Variants in APH1B observed in about 807,000 individuals in gnomAD.
APH1B encodes the protein aph-1B gamma-secretase subunit.
Under a neutral mutation model 28.2 loss-of-function variants are expected in APH1B, and 27 were observed. The observed-to-expected ratio is 0.96, with a 90% confidence interval of 0.70 to 1.32. APH1B has a LOEUF of 1.32. APH1B is among the 40% of genes most tolerant of loss of function. The probability of loss-of-function intolerance (pLI) is 0.00; values close to 1 mark genes in which losing one functional copy is unlikely to be tolerated. For missense variants in APH1B, 305 were observed against 313.6 expected (o/e 0.97, Z 0.21); for synonymous variants, 141 against 124.6 (o/e 1.13, Z -0.88).
At chr15:63,279,006 T>G (rs2038355868) in intron 1 of APH1B, among the ~76,000 whole-genome samples, 155 bp from the exon 2 acceptor site, 1 of 152,122 alleles carries the variant, frequency 6.6e-6, no homozygotes, top group Non-Finnish European at 1.5e-5. Context: ...TAAGAACAAC[T>G]GATCAGAGTA....
chr15:63,279,325 T>A lies in APH1B; in HGVS notation c.278T>A (p.Leu93His), dbSNP rs141207434. 2.5e-5 allele frequency: 40 copies of A among 1,589,190 alleles called. No homozygotes were observed. The highest frequency in any genetic ancestry group is 3.4e-5 in the Non-Finnish European group (40 of 1,163,224). ...ATGTTCCGATTTGCATATTATAAACTCTTAAAGTAAGTTAAATACCTGCCT... is the reference window on the plus strand; with the variant it reads ...ATGTTCCGATTTGCATATTATAAACACTTAAAGTAAGTTAAATACCTGCCT... ...QEMFRFAYYK[L>H]LKKASEGLKS... Residue 93 changes from leucine to histidine, a missense_variant, in exon 2 of 6, where the codon CTC becomes CAC. Physicochemically the swap from Leu to His is moderately conservative, Grantham distance 99 (BLOSUM62 -3). Coordinates refer to ENST00000261879, the MANE Select transcript of APH1B (RefSeq NM_031301.4).
intron 2 of APH1B, among the ~76,000 whole-genome samples, chr15:63,283,885 A>G (rs1341882038): frequency 6.6e-6 from 1 of 152,026 alleles, no homozygotes; most frequent in Non-Finnish European, 1.5e-5. Context: ...GTAATGGTCC[A>G]CCTTCATTCT....
At chr15:63,278,310 A>G in intron 1 of APH1B, 1 of 456,596 alleles carries the variant, frequency 2.2e-6, no homozygotes, top group Non-Finnish European at 4.4e-6. Flanking sequence ...GGAAACCTGT[A>G]AAAACACCGA....
At chr15:63,295,202 T>C (rs1291595946) in intron 4 of APH1B, among the ~76,000 whole-genome samples, 2 of 152,242 alleles carry the variant, frequency 1.3e-5, no homozygotes, top group Non-Finnish European at 2.9e-5. Context: ...GCTGAAACTA[T>C]TCTAGGCTAG....
chr15:63,292,419 C>T (rs1399724902), intron 4 of APH1B, among the ~76,000 whole-genome samples: 3 of 152,180 alleles, frequency 2.0e-5, no homozygotes, highest in Admixed American at 1.3e-4. Context: ...TAAGGTCTTG[C>T]TCTGTCACTC....
At chr15:63,278,501 C>T (rs894695010) in intron 1 of APH1B, 5 of 372,404 alleles carry the variant, frequency 1.3e-5, no homozygotes, top group African/African-American at 8.5e-5. Context: ...CTCCCACAAA[C>T]GTATTGAAAG....
At chr15:63,295,717 A>G (rs1019212325) in intron 4 of APH1B, among the ~76,000 whole-genome samples, 6 of 152,242 alleles carry the variant, frequency 3.9e-5, no homozygotes. Flanking sequence ...GTCTACAGAC[A>G]TTGACATATT....
chr15:63,277,647 C>G lies in APH1B; in HGVS notation c.24C>G (p.Gly8=). 6.2e-7 allele frequency: 1 copy of G among 1,600,286 alleles called. No individual in the cohort carries two copies. The change falls in exon 1 of 6, where the codon GGC becomes GGG. Residue 8 remains glycine, a synonymous_variant. Transcript: ENST00000261879. ...CCATGACTGCGGCCGTGTTCTTCGG[C>G]TGCGCCTTCATTGCCTTCGGGCCTG... MTAAVFF[G]CAFIAFGPAL...
intron 2 of APH1B, among the ~76,000 whole-genome samples, chr15:63,285,353 C>T (rs568247060): frequency 6.6e-6 from 1 of 152,200 alleles, no homozygotes; most frequent in Admixed American, 6.5e-5. Flanking sequence ...TTAGAGTTAA[C>T]CTGTCTTGTT....
chr15:63,303,618 T>G (rs886444698), intron 5 of APH1B, among the ~76,000 whole-genome samples: 4 of 152,034 alleles, frequency 2.6e-5, no homozygotes, highest in African/African-American at 7.2e-5. Flanking sequence ...ACCACACCCT[T>G]CCAAGTAGCT....
intron 4 of APH1B, among the ~76,000 whole-genome samples, chr15:63,298,919 G>A (rs1406313843): frequency 6.6e-6 from 1 of 151,888 alleles, no homozygotes; most frequent in African/African-American, 2.4e-5. Context: ...AAAAGGAGGA[G>A]GGTAGGTGTT....
intron 4 of APH1B, among the ~76,000 whole-genome samples, chr15:63,295,605 T>C (rs576787773): frequency 1.3e-5 from 2 of 152,326 alleles, no homozygotes; most frequent in South Asian, 4.1e-4. Flanking sequence ...GATTCTTGGT[T>C]GGGGGCTGAC....
chr15:63,293,626 T>A (rs1216495618), intron 4 of APH1B, among the ~76,000 whole-genome samples: 1 of 151,940 alleles, frequency 6.6e-6, no homozygotes, highest in Non-Finnish European at 1.5e-5. Flanking sequence ...GCCTTCTGAG[T>A]AGCTGGGATT....
intron 2 of APH1B, among the ~76,000 whole-genome samples, chr15:63,280,760 A>G (rs372989670): frequency 6.6e-6 from 1 of 152,340 alleles, no homozygotes; most frequent in Non-Finnish European, 1.5e-5. Context: ...TCCCTAACAG[A>G]TGGACATCTA....
At chr15:63,305,339 C>T (rs1356837172) in intron 5 of APH1B, among the ~76,000 whole-genome samples, 3 of 152,202 alleles carry the variant, frequency 2.0e-5, no homozygotes, top group Non-Finnish European at 2.9e-5. Context: ...ACTAGTTACA[C>T]GACATGCATC....
rs199598065 is a variant in APH1B at position 63,279,262 on chromosome 15, T to C, written c.215T>C (p.Leu72Pro). ...GATGGACCAACACAGAAATATCTGC[T>C]GATCTTTGGAGCGTTTGTCTCTGTC... is the stretch of plus-strand genomic sequence containing the variant. ...NKDGPTQKYL[L>P]IFGAFVSVYI... is the part of the protein sequence containing the mutation. The change falls in exon 2 of 6, where the codon CTG (leucine) becomes CCG (proline). Residue 72 changes from leucine to proline, a missense_variant. By Grantham distance (98) the Leu-to-Pro change is moderately conservative (BLOSUM62 -3). Transcript: ENST00000261879. 6 of 1,612,848 alleles carry C rather than the reference T, an allele frequency of 3.7e-6. No homozygotes were observed. Among genetic ancestry groups the C allele is most frequent in the Non-Finnish European group, 5.1e-6 (6 of 1,179,112 alleles).
chr15:63,295,952 G>T (rs1016315199), intron 4 of APH1B, among the ~76,000 whole-genome samples: 1 of 152,092 alleles, frequency 6.6e-6, no homozygotes. Context: ...AATTTGAGGA[G>T]AGTGTTTCAT....
rs529168174 is a variant in APH1B at position 63,277,747 on chromosome 15, C to A, written c.113+11C>A. The A allele has an allele frequency of 1.9e-6, 3 of 1,606,672 alleles. No individual in the cohort carries two copies. The highest frequency in any genetic ancestry group is 2.3e-5 in the East Asian group (1 of 44,064). On this transcript the variant is annotated intron_variant, in intron 1 of 5. Coordinates refer to ENST00000261879, the MANE Select transcript of APH1B (RefSeq NM_031301.4). The stretch of plus-strand genomic sequence containing the variant: ...CTTCCTCATCGCCGGGTGAGGCGGT[C>A]GCGTCGGGAAACCCGGACGCCGGGG...
At chr15:63,279,456 G>A (rs760723207) in intron 2 of APH1B, 125 bp downstream of exon 2, 24 of 788,134 alleles carry the variant, frequency 3.0e-5, no homozygotes, top group Non-Finnish European at 4.1e-5. Context: ...CAAGAGATTG[G>A]TACATTTCCA....
Sources: gnomAD v4.1 joint callset for allele counts (sites outside exome capture counted in the v4.1 genomes callset) on GRCh38, gnomAD v4.1.1 for gene constraint, MANE v1.5 for transcripts, NCBI Gene and HGNC (gene_info 2026-07-23, HGNC 2026-07-21) for gene names.